VWC2L: variants seen among roughly 807,000 people sequenced by gnomAD.
The protein encoded by VWC2L is von Willebrand factor C domain containing 2 like, also known as von Willebrand factor C domain-containing protein 2-like.
Under a neutral mutation model 21.6 loss-of-function variants are expected in VWC2L, and 10 were observed. The observed-to-expected ratio is 0.46, with a 90% CI of 0.29 to 0.78. The LOEUF (loss-of-function observed/expected upper bound fraction) is 0.78. Ranked by LOEUF, VWC2L falls within the 30% of genes least tolerant of loss-of-function variation. VWC2L has a pLI of 0.10. For synonymous variants in VWC2L, 96 were observed against 94.3 expected (o/e 1.02, Z -0.10); for missense variants, 209 against 277.1 (o/e 0.75, Z 1.74).
At chr2:214,549,420 C>T (rs1386554890) in intron 3 of VWC2L, among the ~76,000 whole-genome samples, 6 of 152,184 alleles carry the variant, frequency 3.9e-5, no homozygotes, top group Admixed American at 2.0e-4. Context: ...CAGAGAATCA[C>T]AGATGAAAAG....
chr2:214,569,569 C>T (rs1393057198), intron 3 of VWC2L, among the ~76,000 whole-genome samples: 1 of 152,234 alleles, frequency 6.6e-6, no homozygotes, highest in Non-Finnish European at 1.5e-5. Flanking sequence ...GAAGAGTTAA[C>T]TATTTGCTCT....
chr2:214,557,257 C>G (rs1363874514), intron 3 of VWC2L, among the ~76,000 whole-genome samples: 1 of 152,048 alleles, frequency 6.6e-6, no homozygotes, highest in Non-Finnish European at 1.5e-5. Context: ...CACAGGGTGG[C>G]AGGGGAGAGA....
chr2:214,451,838 TTTTA>T (rs1157308711), intron 3 of VWC2L, among the ~76,000 whole-genome samples: 1 of 152,252 alleles, frequency 6.6e-6, no homozygotes, highest in African/African-American at 2.4e-5. Context: ...TATGTCGTGA[TTTTA>T]TTTAAAAATT....
chr2:214,522,859 T>C (rs1290042696), intron 3 of VWC2L, among the ~76,000 whole-genome samples: 1 of 152,070 alleles, frequency 6.6e-6, no homozygotes, highest in Non-Finnish European at 1.5e-5. Context: ...AATATTTATA[T>C]TGAGAACACA....
At chr2:214,489,403 G>A (rs559872835) in intron 3 of VWC2L, among the ~76,000 whole-genome samples, 4 of 152,298 alleles carry the variant, frequency 2.6e-5, no homozygotes, top group East Asian at 3.9e-4. Flanking sequence ...AGAGAGACTC[G>A]TTAAAAAGCC....
chr2:214,450,706 C>A (rs535216555), intron 3 of VWC2L, among the ~76,000 whole-genome samples: 2 of 152,104 alleles, frequency 1.3e-5, no homozygotes, highest in Non-Finnish European at 2.9e-5. Context: ...TAGGATGAGT[C>A]AGGGGGCAAC....
At chr2:214,569,997 A>G (rs913238816) in intron 3 of VWC2L, among the ~76,000 whole-genome samples, 1 of 152,014 alleles carries the variant, frequency 6.6e-6, no homozygotes, top group African/African-American at 2.4e-5. Flanking sequence ...AAAACTGCTC[A>G]GCTCTTAATA....
intron 3 of VWC2L, among the ~76,000 whole-genome samples, chr2:214,488,074 G>A (rs545573413): frequency 6.6e-6 from 1 of 152,136 alleles, no homozygotes. Context: ...TCTTGGTCTT[G>A]GATTCTACTG....
At chr2:214,484,366 C>A (rs1213659583) in intron 3 of VWC2L, among the ~76,000 whole-genome samples, 2 of 152,130 alleles carry the variant, frequency 1.3e-5, no homozygotes, top group African/African-American at 4.8e-5. Context: ...TGACACTGGG[C>A]AACTCACTTG....
At chr2:214,472,329 C>T (rs1703322082) in intron 3 of VWC2L, 1 of 152,208 alleles carries the variant, frequency 6.6e-6, no homozygotes, top group African/African-American at 2.4e-5. Context: ...ATACTATATT[C>T]AGAAGAAAAG....
intron 3 of VWC2L, among the ~76,000 whole-genome samples, chr2:214,558,825 TA>T (rs566604285): frequency 1.5e-3 from 233 of 152,018 alleles, no homozygotes; most frequent in South Asian, 7.5e-3. Context: ...TTTTTTTTTT[TA>T]AATTTATGCT....
At chr2:214,487,769 G>A (rs886712260) in intron 3 of VWC2L, among the ~76,000 whole-genome samples, 34 of 152,164 alleles carry the variant, frequency 2.2e-4, no homozygotes, top group African/African-American at 7.7e-4. Context: ...TGGAGGTCAG[G>A]AAGAGGGCAA....
At chr2:214,548,588 G>A (rs1157187935) in intron 3 of VWC2L, among the ~76,000 whole-genome samples, 4 of 152,160 alleles carry the variant, frequency 2.6e-5, no homozygotes, top group African/African-American at 4.8e-5. Flanking sequence ...TATACATAAA[G>A]CAGCTAAAGG....
At chr2:214,470,198 AT>A (rs1703283357) in intron 3 of VWC2L, among the ~76,000 whole-genome samples, 1 of 150,552 alleles carries the variant, frequency 6.6e-6, no homozygotes, top group African/African-American at 2.5e-5. Flanking sequence ...CTTGGAAATC[AT>A]TTTTGATAAA....
rs1270984854 is a variant in VWC2L at position 214,511,521 on chromosome 2, T to C, written c.521-64151T>C. ...GGGACAATTTCTCCTTCTTATTTACTCTCTGCCGTGTGAATACTCAGGAAG... is the reference window on the plus strand; with the variant it reads ...GGGACAATTTCTCCTTCTTATTTACCCTCTGCCGTGTGAATACTCAGGAAG... On this transcript the variant is annotated intron_variant, in intron 3 of 3. Transcript: ENST00000312504. Among the ~76,000 whole-genome samples, 5 of 152,166 alleles carry C rather than the reference T, an allele frequency of 3.3e-5. No homozygotes were observed. The East Asian group carries it at 7.7e-4, about 23-fold the overall frequency.
chr2:214,453,273 G>GT (rs200033661), intron 3 of VWC2L, among the ~76,000 whole-genome samples: 27 of 151,626 alleles, frequency 1.8e-4, no homozygotes, highest in African/African-American at 3.4e-4. Flanking sequence ...TGATTGAAGG[G>GT]TTTTTTTTTA....
At position 214,577,799 on chromosome 2, in the gene VWC2L, C is replaced by T. The variant is rs1270859696; in HGVS notation, c.*1979C>T. On this transcript the variant is annotated 3_prime_UTR_variant, in exon 4 of 4. Coordinates refer to ENST00000312504, the MANE Select transcript of VWC2L (RefSeq NM_001080500.4). ...AAAGAGTTGTCATTTCCAAAATTAACGTGCTGACGAGTCAGACCTGACATT... is the reference window on the plus strand; with the variant it reads ...AAAGAGTTGTCATTTCCAAAATTAATGTGCTGACGAGTCAGACCTGACATT... 2 of 152,186 alleles carry T rather than the reference C, an allele frequency of 1.3e-5. No homozygotes were observed. The highest frequency in any genetic ancestry group is 2.4e-5 in the African/African-American group (1 of 41,446). The allele number at this position is 152,186 out of a possible 1,614,324, so 9.4% of individuals were successfully genotyped here. A position where few individuals can be genotyped will look rare whatever the true frequency, so the allele number is the denominator to read the frequency against.
chr2:214,572,696 A>C (rs1420446275), intron 3 of VWC2L, among the ~76,000 whole-genome samples: 1 of 152,200 alleles, frequency 6.6e-6, no homozygotes, highest in Non-Finnish European at 1.5e-5. Flanking sequence ...CCTGACAATT[A>C]TCTAAATTAC....
chr2:214,482,027 A>G (rs936835733), intron 3 of VWC2L, among the ~76,000 whole-genome samples: 2 of 152,194 alleles, frequency 1.3e-5, no homozygotes, highest in African/African-American at 4.8e-5. Flanking sequence ...TTTAAAGCAC[A>G]TATTCCACTA....
Sources: gnomAD v4.1 joint callset for allele counts (sites outside exome capture counted in the v4.1 genomes callset) on GRCh38, gnomAD v4.1.1 for gene constraint, MANE v1.5 for transcripts, NCBI Gene and HGNC (gene_info 2026-07-23, HGNC 2026-07-21) for gene names.